The following ABI2 variants were observed in gnomAD, a reference collection of about 807,000 sequenced individuals.
ABI2 encodes the protein abl interactor 2, also known as abelson interactor 2.
In ABI2, 25 loss-of-function variants were observed where a neutral mutation model predicts 59.2. The observed-to-expected ratio is 0.42, with a 90% CI of 0.31 to 0.59. ABI2 has a LOEUF of 0.59. Ranked by LOEUF, ABI2 falls within the 20% of genes least tolerant of loss-of-function variation. ABI2 has a pLI of 0.14. For synonymous variants in ABI2, 213 were observed against 235.5 expected (o/e 0.90, Z 0.87); for missense variants, 545 against 681.8 (o/e 0.80, Z 2.23).
At chr2:203,422,050 C>CT (rs1415458829) in intron 11 of ABI2, among the ~76,000 whole-genome samples, 1 of 151,736 alleles carries the variant, frequency 6.6e-6, no homozygotes, top group African/African-American at 2.4e-5. Flanking sequence ...CTGTAAAGCA[C>CT]TTTAAGAGGC....
intron 2 of ABI2, among the ~76,000 whole-genome samples, chr2:203,369,013 T>G (rs111708047): frequency 2.4e-5 from 3 of 125,400 alleles, no homozygotes; most frequent in East Asian, 2.7e-4. Flanking sequence ...TTTTTTTTTT[T>G]TTTGTAGAGA....
Position 203,430,220 on chromosome 2 carries a change from A to G in ABI2, c.*2868A>G, listed in dbSNP as rs2098472059. 1 of 152,092 alleles carries G rather than the reference A, an allele frequency of 6.6e-6. No individual in the cohort carries two copies. Among genetic ancestry groups the G allele is most frequent in the Admixed American group, 6.5e-5 (1 of 15,274 alleles). 9.4% of individuals were successfully genotyped at this position (152,092 alleles called of 1,614,324 possible). On this transcript the variant is annotated 3_prime_UTR_variant, in exon 12 of 12. Coordinates refer to ENST00000261018, the MANE Select transcript of ABI2 (RefSeq NM_001375670.1). ...AGTTTCCCTCTTTTTTTATAAATTA[A>G]AAGATGGTTGGTATTAGGAATTTCA...
At chr2:203,398,074 T>C (rs1166081942) in intron 8 of ABI2, among the ~76,000 whole-genome samples, 1 of 152,276 alleles carries the variant, frequency 6.6e-6, no homozygotes, top group Non-Finnish European at 1.5e-5. Flanking sequence ...ATGGCATTTA[T>C]ATTCAGCTTT....
chr2:203,394,522 C>A, intron 5 of ABI2, 178 bp from the exon 6 acceptor site: 2 of 585,284 alleles, frequency 3.4e-6, no homozygotes, highest in Non-Finnish European at 5.9e-6. Context: ...CAATATTCAC[C>A]AAAACCCTAA....
At chr2:203,372,859 C>T (rs1358980824) in intron 2 of ABI2, among the ~76,000 whole-genome samples, 1 of 152,078 alleles carries the variant, frequency 6.6e-6, no homozygotes, top group Admixed American at 6.5e-5. Context: ...CCTCATATCC[C>T]AGACGGGGCG....
At chr2:203,343,279 G>GC (rs1000504264) in intron 1 of ABI2, among the ~76,000 whole-genome samples, 3 of 152,160 alleles carry the variant, frequency 2.0e-5, no homozygotes, top group Non-Finnish European at 4.4e-5. Context: ...CAGGAGAATC[G>GC]CATGAACTCG....
At chr2:203,373,630 T>G (rs199618516) in intron 2 of ABI2, among the ~76,000 whole-genome samples, 8 of 152,156 alleles carry the variant, frequency 5.3e-5, no homozygotes, top group African/African-American at 1.9e-4. Context: ...AAAAAAAGAT[T>G]AAGCAAGGTC....
chr2:203,395,448 T>TATATATATATATACACACACAC (rs750379504), intron 6 of ABI2, among the ~76,000 whole-genome samples: 1 of 115,324 alleles, frequency 8.7e-6, no homozygotes, highest in Non-Finnish European at 1.8e-5. Flanking sequence ...TATATATATA[T>TATATATATATATACACACACAC]ACACACACAC....
chr2:203,400,693 C>T (rs1559337457), intron 8 of ABI2, among the ~76,000 whole-genome samples: 1 of 152,112 alleles, frequency 6.6e-6, no homozygotes, highest in Non-Finnish European at 1.5e-5. Flanking sequence ...TCTTATAATC[C>T]TTATATGACT....
intron 1 of ABI2, among the ~76,000 whole-genome samples, chr2:203,352,315 C>T (rs1466831284): frequency 6.6e-6 from 1 of 152,076 alleles, no homozygotes; most frequent in East Asian, 1.9e-4. Flanking sequence ...TGATATTGTA[C>T]TTTTTATTTT....
intron 4 of ABI2, among the ~76,000 whole-genome samples, chr2:203,383,589 C>T (rs1289695682): frequency 1.3e-5 from 2 of 152,116 alleles, no homozygotes; most frequent in Non-Finnish European, 2.9e-5. Context: ...TTTCTCTAAG[C>T]CCCAGTATGA....
intron 1 of ABI2, among the ~76,000 whole-genome samples, chr2:203,365,237 G>T (rs1418416832): frequency 6.6e-6 from 1 of 152,042 alleles, no homozygotes; most frequent in Non-Finnish European, 1.5e-5. Flanking sequence ...GAATTATGAT[G>T]ATTATGTTCA....
chr2:203,358,067 CTGTTTG>C (rs2092617158), intron 1 of ABI2, among the ~76,000 whole-genome samples: 3 of 112,450 alleles, frequency 2.7e-5, no homozygotes, highest in African/African-American at 1.3e-4. Context: ...TGTGCCTGGC[CTGTTTG>C]TGTGTGTGTG....
chr2:203,406,832 T>C (rs2097446243), intron 9 of ABI2, among the ~76,000 whole-genome samples: 3 of 152,104 alleles, frequency 2.0e-5, no homozygotes, highest in African/African-American at 7.2e-5. Flanking sequence ...CCTGGCTCTT[T>C]TTTTTTCTTT....
At chr2:203,410,898 A>G (rs1171379102) in intron 9 of ABI2, among the ~76,000 whole-genome samples, 1 of 151,898 alleles carries the variant, frequency 6.6e-6, no homozygotes, top group Admixed American at 6.6e-5. Context: ...GGTAATCTGC[A>G]GAAATGCTTT....
chr2:203,367,838 T>C lies in ABI2; in HGVS notation c.285+794T>C, dbSNP rs184746484. On this transcript the variant is annotated intron_variant, in intron 2 of 11. Transcript: ENST00000261018. ...GGCAGCATAGCAAAACCCTGTTCTC[T>C]ACCAAAAATACAAAAATTAGCCAGG... Among the ~76,000 whole-genome samples the C allele has an allele frequency of 7.2e-5, 11 of 151,930 alleles. No individual in the cohort carries two copies. In the East Asian group the frequency reaches 2.1e-3, roughly 29 times the overall value.
intron 9 of ABI2, among the ~76,000 whole-genome samples, chr2:203,403,987 A>G (rs182150953): frequency 1.0e-3 from 153 of 152,008 alleles, no homozygotes; most frequent in Non-Finnish European, 1.7e-3. Flanking sequence ...TCCTGACCTT[A>G]AGTGATTCAC....
chr2:203,409,224 G>A (rs2097558924), intron 9 of ABI2, among the ~76,000 whole-genome samples: 1 of 152,080 alleles, frequency 6.6e-6, no homozygotes, highest in African/African-American at 2.4e-5. Flanking sequence ...CCTCTGAGTG[G>A]GAAGCAGACA....
intron 1 of ABI2, among the ~76,000 whole-genome samples, chr2:203,344,944 C>T (rs2082292280): frequency 6.6e-6 from 1 of 152,148 alleles, no homozygotes; most frequent in South Asian, 2.1e-4. Flanking sequence ...CCAACCAGTG[C>T]TCTGTAAAAT....
Sources: gnomAD v4.1 joint callset for allele counts (sites outside exome capture counted in the v4.1 genomes callset) on GRCh38, gnomAD v4.1.1 for gene constraint, MANE v1.5 for transcripts, NCBI Gene and HGNC (gene_info 2026-07-23, HGNC 2026-07-21) for gene names.